APPL2: variants seen among roughly 807,000 people sequenced by gnomAD.
APPL2 encodes the protein DCC-interacting protein 13-beta.
A neutral mutation model predicts 92.7 loss-of-function variants in APPL2; 84 were observed. The ratio of observed to expected loss-of-function variants is 0.91; its 90% confidence interval spans 0.76 to 1.09. The LOEUF is 1.09. Ranked by LOEUF, APPL2 falls within the 50% of genes least tolerant of loss-of-function variation. The pLI, the probability that APPL2 is intolerant of heterozygous loss-of-function variation, is 0.00. For missense variants in APPL2, 736 were observed against 824.5 expected, an observed-to-expected ratio of 0.89 and a Z score of 1.31; for synonymous variants, 291 against 291.0, an observed-to-expected ratio of 1.00 and a Z score of 0.00.
intron 8 of APPL2, 181 bp downstream of exon 8, chr12:105,206,880 T>A: frequency 1.4e-6 from 1 of 698,348 alleles, no homozygotes; most frequent in Non-Finnish European, 2.3e-6. Flanking sequence ...CCAATGCATG[T>A]CCAGCTGAAG....
At chr12:105,184,714 C>T (rs60725801) in intron 17 of APPL2, among the ~76,000 whole-genome samples, 1,811 of 152,306 alleles carry the variant, frequency 0.012, 25 homozygotes, top group Middle Eastern at 0.054. Flanking sequence ...GGTGTCTCCC[C>T]GTCAGGAACC....
rs780143541 is a variant in APPL2 at position 105,208,030 on chromosome 12, C to A, written c.416-1G>T. 1 of 1,614,100 alleles carries A rather than the reference C, an allele frequency of 6.2e-7. No homozygotes were observed. The highest frequency in any genetic ancestry group is 1.7e-5 in the Admixed American group (1 of 59,998). ...TATTTTGCCATTGAGAGGTCATGCT[C>A]TAAAAATAAACAGACATCTGAACAC... On this transcript the variant is annotated splice_acceptor_variant, in intron 6 of 20. Transcript: ENST00000258530. LOFTEE classifies it high-confidence loss of function.
At chr12:105,175,590 T>C (rs1885456503) in intron 20 of APPL2, among the ~76,000 whole-genome samples, 1 of 152,192 alleles carries the variant, frequency 6.6e-6, no homozygotes, top group Non-Finnish European at 1.5e-5. Flanking sequence ...AACTAGGCTC[T>C]CAAAAATTTG....
rs1331230787 is a variant in APPL2 at position 105,186,671 on chromosome 12, TATG to T, written c.1634+1599_1634+1601del. On this transcript the variant is annotated intron_variant, in intron 17 of 20. Coordinates refer to ENST00000258530, the MANE Select transcript of APPL2 (RefSeq NM_018171.5). ...ATATCGATATCATATATATCATATA[TATG>T]ATATATCATATATATATCATATATC... 1.4e-4 allele frequency among the ~76,000 whole-genome samples: 15 copies of T among 107,480 alleles called. 1 individual carries two copies. The highest frequency in any genetic ancestry group is 4.6e-4 in the African/African-American group (12 of 26,048). The allele number at this position is 107,480 out of a possible 152,430, so 70.5% of individuals were successfully genotyped here.
intron 4 of APPL2, among the ~76,000 whole-genome samples, chr12:105,214,617 TA>T (rs1889509891): frequency 6.6e-6 from 1 of 152,232 alleles, no homozygotes; most frequent in African/African-American, 2.4e-5. Flanking sequence ...AAAACCCTTG[TA>T]ATTTCCTCAT....
intron 4 of APPL2, 76 bp downstream of exon 4, chr12:105,216,993 G>A (rs1889744424): frequency 3.8e-6 from 4 of 1,059,900 alleles, no homozygotes; most frequent in Admixed American, 2.3e-5. Flanking sequence ...ATTTAAAAAT[G>A]GAAAGTGGGC....
chr12:105,195,881 C>T (rs574546485), intron 11 of APPL2, among the ~76,000 whole-genome samples: 92 of 152,062 alleles, frequency 6.1e-4, no homozygotes, highest in Admixed American at 3.5e-3. Context: ...ATGGTGAAAC[C>T]CCCTCTCTAC....
chr12:105,208,777 C>G (rs1403009726), intron 5 of APPL2, among the ~76,000 whole-genome samples: 4 of 152,168 alleles, frequency 2.6e-5, no homozygotes, highest in Admixed American at 2.0e-4. Flanking sequence ...ACAGAGATGG[C>G]TGAACCAAGC....
chr12:105,191,625 A>G (rs1479937839), intron 14 of APPL2, among the ~76,000 whole-genome samples: 1 of 152,170 alleles, frequency 6.6e-6, no homozygotes, highest in East Asian at 1.9e-4. Flanking sequence ...ATAGGGAGCC[A>G]CCAAAGACTC....
At chr12:105,202,775 G>A (rs1239323097) in intron 9 of APPL2, among the ~76,000 whole-genome samples, 2 of 152,154 alleles carry the variant, frequency 1.3e-5, no homozygotes, top group Non-Finnish European at 2.9e-5. Context: ...TTTCAGGTAG[G>A]GGTATATGCT....
intron 19 of APPL2, 162 bp downstream of exon 19, chr12:105,176,714 G>A (rs1012459850): frequency 2.4e-5 from 21 of 883,648 alleles, no homozygotes; most frequent in Non-Finnish European, 3.5e-5. Flanking sequence ...TTTAAATCGA[G>A]TTTTCTTTCA....
intron 9 of APPL2, among the ~76,000 whole-genome samples, chr12:105,202,642 A>G (rs1888314123): frequency 6.6e-6 from 1 of 152,214 alleles, no homozygotes; most frequent in Non-Finnish European, 1.5e-5. Context: ...GGGGCTAAGA[A>G]CCAAATAAAT....
chr12:105,213,199 T>G (rs1309291211), intron 4 of APPL2, among the ~76,000 whole-genome samples: 2 of 152,206 alleles, frequency 1.3e-5, no homozygotes, highest in African/African-American at 4.8e-5. Flanking sequence ...GGTTATGCAC[T>G]ACAGAAATGG....
chr12:105,216,844 T>C (rs1476447371), intron 4 of APPL2, among the ~76,000 whole-genome samples: 2 of 152,246 alleles, frequency 1.3e-5, no homozygotes, highest in Non-Finnish European at 2.9e-5. Context: ...AATCTTTCTT[T>C]TGGTCTATTC....
intron 2 of APPL2, among the ~76,000 whole-genome samples, chr12:105,222,687 GGT>G (rs1592832011): frequency 6.6e-6 from 1 of 152,304 alleles, no homozygotes; most frequent in East Asian, 1.9e-4. Context: ...GGCCAGACAT[GGT>G]GTAGGGCACT....
At chr12:105,217,377 A>AT (rs899955124) in intron 3 of APPL2, among the ~76,000 whole-genome samples, 1 of 152,114 alleles carries the variant, frequency 6.6e-6, no homozygotes, top group African/African-American at 2.4e-5. Context: ...TTTTGACTTT[A>AT]TTTGAGTGTT....
intron 1 of APPL2, chr12:105,229,594 A>G (rs572270895): frequency 4.2e-5 from 42 of 1,010,586 alleles, no homozygotes; most frequent in Non-Finnish European, 4.9e-5. Context: ...TCTCAAGTCC[A>G]TAAGATAAAC....
At chr12:105,210,170 C>A (rs1387114982) in intron 5 of APPL2, among the ~76,000 whole-genome samples, 2 of 152,112 alleles carry the variant, frequency 1.3e-5, no homozygotes, top group African/African-American at 4.8e-5. Context: ...CCGTGTTAGC[C>A]AGGATGGTCT....
intron 9 of APPL2, among the ~76,000 whole-genome samples, chr12:105,201,507 G>T (rs1888199653): frequency 6.6e-6 from 1 of 152,058 alleles, no homozygotes; most frequent in Non-Finnish European, 1.5e-5. Flanking sequence ...CCTGTCCCCA[G>T]AAAGACACGG....
Sources: allele counts gnomAD v4.1 joint callset (sites outside exome capture counted in the v4.1 genomes callset), GRCh38; gene constraint gnomAD v4.1.1; transcripts MANE v1.5; gene names NCBI Gene and HGNC (gene_info 2026-07-23, HGNC 2026-07-21).